Variants in CAV3 observed in about 807,000 individuals in gnomAD.
CAV3 encodes the protein caveolin-3.
CAV3 carries 10 observed loss-of-function variants against 13.4 expected under a neutral mutation model. The ratio of observed to expected loss-of-function variants is 0.75; its 90% CI spans 0.46 to 1.27. The LOEUF (loss-of-function observed/expected upper bound fraction) is 1.27. Ranked by LOEUF, CAV3 falls within the 50% of genes most tolerant of loss-of-function variation. The probability of loss-of-function intolerance (pLI) is 0.00; values close to 1 mark genes in which losing one functional copy is unlikely to be tolerated. For missense variants in CAV3, 162 were observed against 194.0 expected, an observed-to-expected ratio of 0.83 and a Z score of 0.98; for synonymous variants, 90 against 79.0, an observed-to-expected ratio of 1.14 and a Z score of -0.74.
At chr3:8,737,078 G>T (rs933326271) in intron 1 of CAV3, among the ~76,000 whole-genome samples, 1 of 152,110 alleles carries the variant, frequency 6.6e-6, no homozygotes, top group African/African-American at 2.4e-5. Flanking sequence ...TTTTGCCATC[G>T]ATGGAGGAAA....
At chr3:8,739,637 G>C (rs1417395551) in intron 1 of CAV3, among the ~76,000 whole-genome samples, 1 of 143,806 alleles carries the variant, frequency 7.0e-6, no homozygotes, top group Non-Finnish European at 1.5e-5. Flanking sequence ...AAAAAAAAAA[G>C]AGTTTCACGC....
intron 1 of CAV3, among the ~76,000 whole-genome samples, chr3:8,741,103 A>G (rs1030918633): frequency 1.3e-5 from 2 of 151,918 alleles, no homozygotes; most frequent in African/African-American, 4.9e-5. Flanking sequence ...TCATTTTTAC[A>G]GTTTTTGCAG....
chr3:8,742,675 A>C (rs1009917358), intron 1 of CAV3: 9 of 343,338 alleles, frequency 2.6e-5, no homozygotes, highest in Middle Eastern at 3.9e-4. Context: ...GCACTGCTCA[A>C]GAGGTAGTGT....
At chr3:8,739,023 C>T (rs1028071098) in intron 1 of CAV3, among the ~76,000 whole-genome samples, 2 of 152,220 alleles carry the variant, frequency 1.3e-5, no homozygotes, top group Non-Finnish European at 2.9e-5. Context: ...AATAGAGGGT[C>T]ATCCAATCCA....
At chr3:8,741,272 A>G (rs1404182170) in intron 1 of CAV3, among the ~76,000 whole-genome samples, 1 of 152,270 alleles carries the variant, frequency 6.6e-6, no homozygotes, top group Admixed American at 6.5e-5. Context: ...ACAGCCGTAC[A>G]GTTACAAGCA....
chr3:8,736,047 T>G (rs1056477031), intron 1 of CAV3, among the ~76,000 whole-genome samples: 8 of 152,210 alleles, frequency 5.3e-5, no homozygotes, highest in African/African-American at 1.9e-4. Flanking sequence ...AGGAAACAAA[T>G]TTCACAAACT....
chr3:8,743,968 G>T (rs1261080429), intron 1 of CAV3, among the ~76,000 whole-genome samples: 6 of 151,972 alleles, frequency 3.9e-5, no homozygotes, highest in African/African-American at 7.3e-5. Flanking sequence ...ATAGAGGAGA[G>T]GATCCCCTCC....
intron 1 of CAV3, among the ~76,000 whole-genome samples, chr3:8,743,836 A>G (rs929854292): frequency 6.6e-6 from 1 of 152,264 alleles, no homozygotes; most frequent in Non-Finnish European, 1.5e-5. Context: ...GCACCAAAAC[A>G]ATCATATCTT....
intron 1 of CAV3, among the ~76,000 whole-genome samples, chr3:8,740,552 T>G (rs1575471289): frequency 6.6e-6 from 1 of 152,148 alleles, no homozygotes; most frequent in Non-Finnish European, 1.5e-5. Flanking sequence ...TTCTGGCAGG[T>G]TCTTCTCTCT....
At chr3:8,741,061 C>T (rs1370982310) in intron 1 of CAV3, among the ~76,000 whole-genome samples, 1 of 152,220 alleles carries the variant, frequency 6.6e-6, no homozygotes, top group African/African-American at 2.4e-5. Context: ...TCTTTTGTTG[C>T]TACCTTTTAT....
chr3:8,735,992 G>C (rs1707739554), intron 1 of CAV3, among the ~76,000 whole-genome samples: 1 of 152,200 alleles, frequency 6.6e-6, no homozygotes, highest in African/African-American at 2.4e-5. Context: ...GATGGAGATA[G>C]AGTATACAGT....
chr3:8,744,445 A>ATTTTTTTTTTT (rs141816229), intron 1 of CAV3, among the ~76,000 whole-genome samples: 190 of 111,372 alleles, frequency 1.7e-3, no homozygotes, highest in African/African-American at 4.1e-3. Context: ...TACCCGGCTA[A>ATTTTTTTTTTT]TTTTTTTTTT....
chr3:8,737,164 G>C (rs927042619), intron 1 of CAV3, among the ~76,000 whole-genome samples: 8 of 152,288 alleles, frequency 5.3e-5, no homozygotes, highest in African/African-American at 1.9e-4. Flanking sequence ...AGAGGAAGGT[G>C]CAGGAGGCCC....
chr3:8,745,931 C>A lies in CAV3; in HGVS notation c.*64C>A. ...GTGGGCCAGACTGGTCCCCGGGGGA[C>A]TTCTTCACAGGGGCTGCTGGCGAGC... On this transcript the variant is annotated 3_prime_UTR_variant, in exon 2 of 2. Coordinates refer to ENST00000343849, the MANE Select transcript of CAV3 (RefSeq NM_033337.3). The surrounding 1 kb of genome is among the most constrained non-coding windows in gnomAD (Gnocchi z 4.8). 7.4e-7 allele frequency: 1 copy of A among 1,356,956 alleles called. No individual in the cohort carries two copies. 84.1% of individuals were successfully genotyped at this position (1,356,956 alleles called of 1,614,324 possible).
Position 8,734,130 on chromosome 3 carries a change from C to G in CAV3, c.114+140C>G, listed in dbSNP as rs762606560. The G allele has an allele frequency of 6.3e-4, 425 of 671,022 alleles. 2 individuals carry two copies. The highest frequency in any genetic ancestry group is 9.9e-4 in the Non-Finnish European group (364 of 368,684). 41.6% of individuals were successfully genotyped at this position (671,022 alleles called of 1,614,324 possible). A position where few individuals can be genotyped will look rare whatever the true frequency, so the allele number is the denominator to read the frequency against. ...GCTCTGTTGTCTCTGTATCACCCCC[C>G]CAACCCCACCCCACCCCCAAAAAAA... On this transcript the variant is annotated intron_variant, in intron 1 of 1. Coordinates refer to ENST00000343849, the MANE Select transcript of CAV3 (RefSeq NM_033337.3).
intron 1 of CAV3, among the ~76,000 whole-genome samples, chr3:8,741,246 G>A (rs1329155594): frequency 1.3e-5 from 2 of 152,128 alleles, no homozygotes; most frequent in Admixed American, 1.3e-4. Context: ...TTAATCACTG[G>A]AAAAATGAAA....
In CAV3 at chr3:8,744,194, C is replaced by T. The variant is rs185783532; in HGVS notation, c.115-1332C>T. Among the ~76,000 whole-genome samples, 375 of 152,016 alleles carry T rather than the reference C, an allele frequency of 2.5e-3. 1 individual carries two copies. Among genetic ancestry groups the T allele is most frequent in the Non-Finnish European group, 4.0e-3 (269 of 67,988 alleles). On this transcript the variant is annotated intron_variant, in intron 1 of 1. Coordinates refer to ENST00000343849, the MANE Select transcript of CAV3 (RefSeq NM_033337.3). ...AACAGCTCTGCAACCTCCCACTTGG[C>T]GGGCTGTACTGGTAACAACCATGGG...
intron 1 of CAV3, among the ~76,000 whole-genome samples, chr3:8,734,874 A>T (rs889063054): frequency 6.6e-6 from 1 of 152,164 alleles, no homozygotes; most frequent in African/African-American, 2.4e-5. Flanking sequence ...GAGTGCCACC[A>T]TGCCCAGCTA....
chr3:8,738,779 C>T (rs1366554452), intron 1 of CAV3, among the ~76,000 whole-genome samples: 2 of 152,220 alleles, frequency 1.3e-5, no homozygotes, highest in African/African-American at 4.8e-5. Context: ...ACCACTGCCC[C>T]TTCCAGTGTT....
Sources: allele counts gnomAD v4.1 joint callset (sites outside exome capture counted in the v4.1 genomes callset), GRCh38; gene constraint gnomAD v4.1.1; non-coding constraint Gnocchi (gnomAD v3.1); transcripts MANE v1.5; gene names NCBI Gene and HGNC (gene_info 2026-07-23, HGNC 2026-07-21).